Variants in FLACC1 observed in about 807,000 individuals in gnomAD.
FLACC1 encodes flagellum associated containing coiled-coil domains 1.
A neutral mutation model predicts 62.8 loss-of-function variants in FLACC1; 66 were observed. The observed-to-expected ratio is 1.05, with a 90% confidence interval of 0.86 to 1.29. The LOEUF is 1.29. Among genes scored for constraint, FLACC1 ranks in the 50% most tolerant of loss-of-function variants. FLACC1 has a pLI of 0.00. For synonymous variants in FLACC1, 156 were observed against 161.0 expected (o/e 0.97, Z 0.24); for missense variants, 452 against 489.1 (o/e 0.92, Z 0.71).
At chr2:201,330,711 T>C in intron 8 of FLACC1, 25 bp downstream of exon 8, 1 of 1,609,428 alleles carries the variant, frequency 6.2e-7, no homozygotes, top group Non-Finnish European at 8.5e-7. Flanking sequence ...TCATCCAGGG[T>C]CATTCTCCCA....
intron 7 of FLACC1, among the ~76,000 whole-genome samples, chr2:201,332,158 G>A (rs1173200779): frequency 6.6e-6 from 1 of 151,492 alleles, no homozygotes; most frequent in Non-Finnish European, 1.5e-5. Flanking sequence ...ATATTTATGG[G>A]GTAAAAAGTG....
intron 11 of FLACC1, among the ~76,000 whole-genome samples, chr2:201,304,026 T>G (rs1419698335): frequency 1.1e-4 from 16 of 152,210 alleles, no homozygotes; most frequent in South Asian, 2.1e-4. Context: ...GCAAAAGACA[T>G]GGATGCCTTC....
intron 11 of FLACC1, among the ~76,000 whole-genome samples, chr2:201,306,400 C>T (rs1950108343): frequency 6.6e-6 from 1 of 152,016 alleles, no homozygotes; most frequent in Admixed American, 6.6e-5. Flanking sequence ...GGCAGGGACA[C>T]AAATCTAAAC....
rs534229935 is a variant in FLACC1, at chr2:201,321,097, C to T, written c.675+9373G>A. 4.9e-4 allele frequency among the ~76,000 whole-genome samples: 74 copies of T among 152,234 alleles called. 1 individual carries two copies. The highest frequency in any genetic ancestry group is 7.9e-4 in the Non-Finnish European group (54 of 68,046). On this transcript the variant is annotated intron_variant, in intron 9 of 14. Transcript: ENST00000392257. ...ACCAGTGTTCGAGAAAGCCAACACA[C>T]TAAGGCTATCAATAACCAAGGACTC... is the stretch of plus-strand genomic sequence containing the variant.
At chr2:201,317,776 A>T (rs1950332813) in intron 9 of FLACC1, among the ~76,000 whole-genome samples, 1 of 152,104 alleles carries the variant, frequency 6.6e-6, no homozygotes, top group South Asian at 2.1e-4. Flanking sequence ...AAGCAAAACA[A>T]GCAAACAAAA....
rs1328642036 is a variant in FLACC1, at chr2:201,351,406, G to A, written c.-2C>T. 6.2e-7 allele frequency: 1 copy of A among 1,610,228 alleles called. No individual in the cohort carries two copies. The highest frequency in any genetic ancestry group is 1.7e-5 in the Admixed American group (1 of 59,998). ...GTAGATGAGAGGGTTGGGGTACATG[G>A]CCAAAGGTCAGGGGGAGTCTTGGCT... On this transcript the variant is annotated 5_prime_UTR_variant, in exon 2 of 15. Coordinates refer to ENST00000392257, the MANE Select transcript of FLACC1 (RefSeq NM_001127391.3).
chr2:201,361,881 G>A (rs1023612143), upstream of FLACC1, among the ~76,000 whole-genome samples: 3 of 151,854 alleles, frequency 2.0e-5, no homozygotes, highest in African/African-American at 4.8e-5. Context: ...TAACACCTTC[G>A]GGGTGCTTTC....
intron 9 of FLACC1, among the ~76,000 whole-genome samples, chr2:201,329,277 T>TA (rs1375787828): frequency 6.6e-6 from 1 of 152,090 alleles, no homozygotes; most frequent in Non-Finnish European, 1.5e-5. Flanking sequence ...TGGTTATTAT[T>TA]AAAAAGCCAA....
intron 11 of FLACC1, among the ~76,000 whole-genome samples, chr2:201,300,231 T>C (rs1357306664): frequency 1.3e-5 from 2 of 152,298 alleles, no homozygotes; most frequent in South Asian, 2.1e-4. Flanking sequence ...ACCCTAATAC[T>C]GTGCTTTTCC....
At position 201,318,651 on chromosome 2, in the gene FLACC1, T is replaced by C. The variant is rs558512111; in HGVS notation, c.676-9401A>G. On this transcript the variant is annotated intron_variant, in intron 9 of 14. Transcript: ENST00000392257. ...AACACTTCTACACTGCTGGTGGGAA[T>C]GTAAACTAGTACAACTGCTATGGAA... 2.0e-5 allele frequency among the ~76,000 whole-genome samples: 3 copies of C among 152,308 alleles called. No individual in the cohort carries two copies. The East Asian group carries it at 5.8e-4, about 29-fold the overall frequency.
At chr2:201,319,725 G>A (rs771815198) in intron 9 of FLACC1, among the ~76,000 whole-genome samples, 3 of 152,204 alleles carry the variant, frequency 2.0e-5, no homozygotes, top group Non-Finnish European at 1.5e-5. Flanking sequence ...CTCAAAAGAA[G>A]ACAGAAGTTT....
chr2:201,292,900 T>C (rs1211286559), intron 12 of FLACC1, among the ~76,000 whole-genome samples: 2 of 151,930 alleles, frequency 1.3e-5, no homozygotes, highest in South Asian at 2.1e-4. Flanking sequence ...GACTTTCAAT[T>C]AACAAAGATC....
intron 9 of FLACC1, among the ~76,000 whole-genome samples, chr2:201,320,454 A>G (rs982375123): frequency 1.3e-5 from 2 of 152,240 alleles, no homozygotes; most frequent in African/African-American, 4.8e-5. Context: ...GCAAGTTCTG[A>G]GTGCAGGCTA....
upstream of FLACC1, among the ~76,000 whole-genome samples, chr2:201,361,389 T>G (rs972779401): frequency 8.5e-5 from 13 of 152,228 alleles, no homozygotes; most frequent in Middle Eastern, 3.2e-3. Flanking sequence ...ACCTCTCAGA[T>G]AGCATGAATG....
intron 12 of FLACC1, among the ~76,000 whole-genome samples, chr2:201,292,078 T>C (rs908996928): frequency 6.6e-6 from 1 of 151,888 alleles, no homozygotes; most frequent in South Asian, 2.1e-4. Flanking sequence ...ACAGGGAGAA[T>C]GGAACCAAGT....
At chr2:201,343,315 G>A (rs1950847783) in intron 6 of FLACC1, among the ~76,000 whole-genome samples, 1 of 152,204 alleles carries the variant, frequency 6.6e-6, no homozygotes, top group Non-Finnish European at 1.5e-5. Flanking sequence ...CCACTGTTCA[G>A]TTGAGAGATT....
intron 11 of FLACC1, among the ~76,000 whole-genome samples, chr2:201,304,637 C>A (rs1488382946): frequency 6.6e-6 from 1 of 152,074 alleles, no homozygotes; most frequent in Non-Finnish European, 1.5e-5. Context: ...CAATCCTAAG[C>A]CAAAAGAACA....
At chr2:201,324,210 T>G (rs551193501) in intron 9 of FLACC1, among the ~76,000 whole-genome samples, 1 of 152,280 alleles carries the variant, frequency 6.6e-6, no homozygotes, top group South Asian at 2.1e-4. Flanking sequence ...GAGTAGCTAT[T>G]CTTATATCAG....
At chr2:201,300,245 A>T (rs1050999929) in intron 11 of FLACC1, among the ~76,000 whole-genome samples, 3 of 152,188 alleles carry the variant, frequency 2.0e-5, no homozygotes, top group African/African-American at 7.2e-5. Context: ...CTTTTCCAAC[A>T]GTCTTAGCAA....
Sources: allele counts gnomAD v4.1 joint callset (sites outside exome capture counted in the v4.1 genomes callset), GRCh38; gene constraint gnomAD v4.1.1; transcripts MANE v1.5; gene names NCBI Gene and HGNC (gene_info 2026-07-23, HGNC 2026-07-21).